The following ZNF385D variants were observed in gnomAD, a reference collection of about 807,000 sequenced individuals.
ZNF385D encodes zinc finger protein 385D.
A neutral mutation model predicts 35.8 loss-of-function variants in ZNF385D; 15 were observed. The ratio of observed to expected loss-of-function variants is 0.42; its 90% confidence interval spans 0.28 to 0.64. The LOEUF (loss-of-function observed/expected upper bound fraction) is 0.64, where lower values mean the gene tolerates loss of function less well. Among genes scored for constraint, ZNF385D ranks in the 30% least tolerant of loss-of-function variants. ZNF385D has a pLI of 0.23. For synonymous variants in ZNF385D, 212 were observed against 186.8 expected (o/e 1.13, Z -1.10); for missense variants, 474 against 494.6 (o/e 0.96, Z 0.39).
intron 4 of ZNF385D, among the ~76,000 whole-genome samples, chr3:21,502,415 A>G (rs1424801394): frequency 1.3e-5 from 2 of 152,176 alleles, no homozygotes; most frequent in Non-Finnish European, 2.9e-5. Flanking sequence ...CCCTCCCTGC[A>G]GGATACATAC....
At chr3:21,754,228 G>A (rs1575593461), upstream of ZNF385D, among the ~76,000 whole-genome samples, 2 of 152,266 alleles carry the variant, frequency 1.3e-5, no homozygotes, top group African/African-American at 4.8e-5. Context: ...TGGCTAGATA[G>A]AGGATTGTGA....
intron 2 of ZNF385D, among the ~76,000 whole-genome samples, chr3:21,610,767 T>C (rs1471439648): frequency 1.5e-5 from 2 of 131,170 alleles, no homozygotes; most frequent in Non-Finnish European, 3.2e-5. Flanking sequence ...AGAGCGAGAC[T>C]CCGTCCCCCC....
intron 3 of ZNF385D, among the ~76,000 whole-genome samples, chr3:21,784,749 G>A (rs2071620154): frequency 6.6e-6 from 1 of 151,826 alleles, no homozygotes. Context: ...ATGCAAAAAA[G>A]AACCTATAAC....
intron 2 of ZNF385D, among the ~76,000 whole-genome samples, chr3:21,638,522 GA>G (rs1386019096): frequency 6.6e-6 from 1 of 152,074 alleles, no homozygotes; most frequent in Non-Finnish European, 1.5e-5. Flanking sequence ...TGGGACTTGG[GA>G]AGCAAAAGGA....
intron 2 of ZNF385D, among the ~76,000 whole-genome samples, chr3:22,208,348 A>G (rs945401187): frequency 1.3e-5 from 2 of 151,538 alleles, no homozygotes; most frequent in Middle Eastern, 3.4e-3. Context: ...AGGAAGAAAA[A>G]CTCTTCATGT....
intron 3 of ZNF385D, among the ~76,000 whole-genome samples, chr3:22,094,410 A>ATATATATATATATATATATATATAT (rs1386186822): frequency 2.0e-4 from 17 of 83,444 alleles, no homozygotes; most frequent in African/African-American, 5.9e-4. Context: ...ATATATATAT[A>ATATATATATATATATATATATATAT]AAGGCATTTG....
At chr3:22,360,390 G>A (rs562083462) in intron 2 of ZNF385D, among the ~76,000 whole-genome samples, 18 of 151,812 alleles carry the variant, frequency 1.2e-4, no homozygotes, top group Admixed American at 2.0e-4. Flanking sequence ...ATACACAGAC[G>A]CACTCATGAA....
intron 3 of ZNF385D, among the ~76,000 whole-genome samples, chr3:21,796,081 C>G (rs953123002): frequency 6.6e-6 from 1 of 152,180 alleles, no homozygotes; most frequent in African/African-American, 2.4e-5. Context: ...TGGATCTCGA[C>G]ACTATGAACA....
intron 3 of ZNF385D, among the ~76,000 whole-genome samples, chr3:21,825,890 G>C (rs1365790859): frequency 6.6e-6 from 1 of 152,144 alleles, no homozygotes; most frequent in Non-Finnish European, 1.5e-5. Flanking sequence ...CCTGAGCTCC[G>C]CTCCTTTCCC....
chr3:21,968,657 T>C (rs1703050515), intron 3 of ZNF385D, among the ~76,000 whole-genome samples: 1 of 152,190 alleles, frequency 6.6e-6, no homozygotes, highest in African/African-American at 2.4e-5. Flanking sequence ...GGCCAAGTCT[T>C]AGCAGCATTC....
intron 3 of ZNF385D, among the ~76,000 whole-genome samples, chr3:22,164,608 CTTTTT>C (rs5847166): frequency 0.017 from 2,390 of 138,350 alleles, 31 homozygotes; most frequent in Non-Finnish European, 0.026. Context: ...CCCAAAGGGA[CTTTTT>C]TTTTTTTTTT....
chr3:21,642,654 G>A (rs62237405), intron 2 of ZNF385D, among the ~76,000 whole-genome samples: 24,705 of 152,104 alleles, frequency 0.16, 2,171 homozygotes, highest in Middle Eastern at 0.22. Context: ...GCACACAAAT[G>A]TTTATAAAAG....
At chr3:21,639,980 T>C (rs1575377852) in intron 2 of ZNF385D, among the ~76,000 whole-genome samples, 1 of 152,094 alleles carries the variant, frequency 6.6e-6, no homozygotes, top group East Asian at 1.9e-4. Context: ...ATGATCTTTC[T>C]GGATTATTCT....
intron 3 of ZNF385D, chr3:22,134,534 C>A (rs1455716086): frequency 1.3e-5 from 2 of 152,128 alleles, no homozygotes; most frequent in East Asian, 3.9e-4. Context: ...ACAGAACACT[C>A]CACCAAACAG....
rs1426957163 is a variant in ZNF385D, at chr3:22,015,951, T to C, written c.325+152866A>G. On this transcript the variant is annotated intron_variant, in intron 3 of 5. Transcript: ENST00000494108. ...CTGTGGAGCATTCTGTGGGAGCATA[T>C]GATTTTTATCCTTTTGGGTACAAAC... 2.0e-5 allele frequency among the ~76,000 whole-genome samples: 3 copies of C among 152,078 alleles called. No homozygotes were observed. In the East Asian group the frequency reaches 5.8e-4, roughly 29 times the overall value.
At chr3:21,443,106 T>C in intron 4 of ZNF385D, 1 of 984,582 alleles carries the variant, frequency 1.0e-6, no homozygotes, top group Non-Finnish European at 1.2e-6. Context: ...TTAAACGGCC[T>C]AGAAATCCCA....
chr3:22,246,843 TTC>T (rs1699810211), intron 2 of ZNF385D, among the ~76,000 whole-genome samples: 1 of 152,138 alleles, frequency 6.6e-6, no homozygotes. Context: ...TCCCTAGAAA[TTC>T]TGATTCTAAT....
chr3:21,623,335 A>C (rs975174175), intron 2 of ZNF385D, among the ~76,000 whole-genome samples: 1 of 152,138 alleles, frequency 6.6e-6, no homozygotes, highest in East Asian at 1.9e-4. Context: ...AACCGATCTC[A>C]GGGAAAAAAC....
In ZNF385D at chr3:21,773,323, A is replaced by G. The variant is rs575386567; in HGVS notation, c.326-108295T>C. Among the ~76,000 whole-genome samples, 5 of 152,052 alleles carry G rather than the reference A, an allele frequency of 3.3e-5. No individual in the cohort carries two copies. In the East Asian group the frequency reaches 7.8e-4, roughly 24 times the overall value. On this transcript the variant is annotated intron_variant, in intron 3 of 5. Transcript: ENST00000494108. ...CAAGCCTCTTAGTCTTCTCTTTGGA[A>G]TAGGTTTCTCTTTTAAAAACAGGAG...
Sources: allele counts gnomAD v4.1 joint callset (sites outside exome capture counted in the v4.1 genomes callset), GRCh38; gene constraint gnomAD v4.1.1; transcripts MANE v1.5; gene names NCBI Gene and HGNC (gene_info 2026-07-23, HGNC 2026-07-21).